Variants in NDST4 observed in about 807,000 individuals in gnomAD.
NDST4 encodes N-deacetylase and N-sulfotransferase 4.
A neutral mutation model predicts 100.8 loss-of-function variants in NDST4; 63 were observed. That is an observed-to-expected ratio of 0.62 (90% confidence interval 0.51 to 0.77). The LOEUF (loss-of-function observed/expected upper bound fraction) is 0.77. Ranked by LOEUF, NDST4 falls within the 30% of genes least tolerant of loss-of-function variation. NDST4 has a pLI of 0.00. For missense variants in NDST4, 943 were observed against 1,018.4 expected (o/e 0.93, Z 1.01); for synonymous variants, 377 against 361.8 (o/e 1.04, Z -0.48).
chr4:115,065,355 G>T (rs528813089), intron 2 of NDST4, among the ~76,000 whole-genome samples: 1 of 152,226 alleles, frequency 6.6e-6, no homozygotes, highest in African/African-American at 2.4e-5. Flanking sequence ...CAGAAGTTAA[G>T]ATTCAAACTC....
chr4:115,035,374 G>A (rs1260059991), intron 2 of NDST4, among the ~76,000 whole-genome samples: 3 of 152,050 alleles, frequency 2.0e-5, no homozygotes, highest in Non-Finnish European at 4.4e-5. Context: ...ATTGTGGAAA[G>A]ATATATCTTA....
At chr4:114,905,450 GA>G (rs1724928185) in intron 6 of NDST4, among the ~76,000 whole-genome samples, 1 of 151,208 alleles carries the variant, frequency 6.6e-6, no homozygotes, top group Non-Finnish European at 1.5e-5. Flanking sequence ...ATTTGATATA[GA>G]GTAAAAACAG....
At chr4:114,992,091 A>C (rs1727053293) in intron 2 of NDST4, among the ~76,000 whole-genome samples, 1 of 151,966 alleles carries the variant, frequency 6.6e-6, no homozygotes, top group Admixed American at 6.6e-5. Flanking sequence ...AGTATGGTAC[A>C]GTTGTCACAA....
At chr4:115,006,868 A>C (rs1003375582) in intron 2 of NDST4, among the ~76,000 whole-genome samples, 1 of 152,114 alleles carries the variant, frequency 6.6e-6, no homozygotes, top group Non-Finnish European at 1.5e-5. Flanking sequence ...GAATGGAGAA[A>C]GGCAGCCAGC....
chr4:114,941,748 T>C (rs183508180), intron 4 of NDST4, among the ~76,000 whole-genome samples: 3 of 152,208 alleles, frequency 2.0e-5, no homozygotes, highest in Non-Finnish European at 4.4e-5. Flanking sequence ...CAGTTCTATA[T>C]GGTTCTGAGA....
chr4:114,872,883 CATAT>C (rs1480169737), intron 6 of NDST4, among the ~76,000 whole-genome samples: 1 of 151,910 alleles, frequency 6.6e-6, no homozygotes, highest in African/African-American at 2.4e-5. Flanking sequence ...TTCGCCAAAA[CATAT>C]ATATACATTG....
At chr4:114,966,463 C>T (rs756045950) in intron 4 of NDST4, among the ~76,000 whole-genome samples, 1 of 150,760 alleles carries the variant, frequency 6.6e-6, no homozygotes, top group African/African-American at 2.4e-5. Flanking sequence ...AATGAAACTA[C>T]TCAGATAGAT....
At chr4:115,080,250 C>T (rs1729273429) in intron 1 of NDST4, among the ~76,000 whole-genome samples, 1 of 152,154 alleles carries the variant, frequency 6.6e-6, no homozygotes, top group South Asian at 2.1e-4. Context: ...GATTCTCCTG[C>T]CTCAGCCTCC....
intron 2 of NDST4, among the ~76,000 whole-genome samples, chr4:114,986,830 A>ATTTTTTTTTT (rs1221108713): frequency 6.5e-5 from 6 of 91,960 alleles, no homozygotes; most frequent in South Asian, 3.6e-4. Context: ...ATATATATAT[A>ATTTTTTTTTT]TATTTTAATA....
At chr4:115,041,129 A>G (rs941661204) in intron 2 of NDST4, among the ~76,000 whole-genome samples, 1 of 152,102 alleles carries the variant, frequency 6.6e-6, no homozygotes, top group South Asian at 2.1e-4. Flanking sequence ...GCATAGAGGC[A>G]TTGATCATTG....
intron 13 of NDST4, 31 bp from the exon 14 acceptor site, chr4:114,827,966 A>G: frequency 6.4e-7 from 1 of 1,573,196 alleles, no homozygotes; most frequent in South Asian, 1.2e-5. Flanking sequence ...ACTTGAAAGA[A>G]GCTCTTTGTT....
intron 6 of NDST4, among the ~76,000 whole-genome samples, chr4:114,878,713 C>T (rs6812977): frequency 0.087 from 13,277 of 151,816 alleles, 1,691 homozygotes; most frequent in African/African-American, 0.28. Context: ...CCAAATGAGT[C>T]GAGGTATGCC....
intron 2 of NDST4, among the ~76,000 whole-genome samples, chr4:115,068,735 C>T (rs114276087): frequency 0.012 from 1,777 of 148,126 alleles, 35 homozygotes; most frequent in African/African-American, 0.042. Flanking sequence ...AAGAATAGCA[C>T]GAACCCGGAG....
At chr4:114,841,724 T>C (rs958430787) in intron 10 of NDST4, among the ~76,000 whole-genome samples, 1 of 152,234 alleles carries the variant, frequency 6.6e-6, no homozygotes, top group Non-Finnish European at 1.5e-5. Context: ...AAGTTTATCT[T>C]GCTTTGCAAT....
chr4:115,105,392 TTTATAAAA>T (rs1729814701), intron 1 of NDST4, among the ~76,000 whole-genome samples: 2 of 152,298 alleles, frequency 1.3e-5, no homozygotes, highest in South Asian at 4.1e-4. Flanking sequence ...TTTTATTTTC[TTTATAAAA>T]TGGTACATCT....
chr4:114,952,249 C>T (rs1395273325), intron 4 of NDST4, among the ~76,000 whole-genome samples: 1 of 152,042 alleles, frequency 6.6e-6, no homozygotes, highest in East Asian at 1.9e-4. Flanking sequence ...ATAAATAGCT[C>T]ATTTTTCAAT....
chr4:114,959,425 A>G (rs1726211200), intron 4 of NDST4, among the ~76,000 whole-genome samples: 1 of 152,220 alleles, frequency 6.6e-6, no homozygotes, highest in Non-Finnish European at 1.5e-5. Flanking sequence ...ACAGTTTCAC[A>G]TGGCTGAGAA....
chr4:115,111,432 G>A (rs1329446262), intron 1 of NDST4, among the ~76,000 whole-genome samples: 1 of 151,300 alleles, frequency 6.6e-6, no homozygotes, highest in East Asian at 1.9e-4. Context: ...TCCAAATTAT[G>A]ACTTAATATA....
intron 2 of NDST4, among the ~76,000 whole-genome samples, chr4:114,995,620 T>G (rs1727142230): frequency 6.6e-6 from 1 of 152,102 alleles, no homozygotes; most frequent in Admixed American, 6.6e-5. Flanking sequence ...CTGATACTTC[T>G]GTGGGAATTT....
Sources: gnomAD v4.1 joint callset for allele counts (sites outside exome capture counted in the v4.1 genomes callset) on GRCh38, gnomAD v4.1.1 for gene constraint, MANE v1.5 for transcripts, NCBI Gene and HGNC (gene_info 2026-07-23, HGNC 2026-07-21) for gene names.